The following C4orf33 variants were observed in gnomAD, a reference collection of about 807,000 sequenced individuals.
The protein encoded by C4orf33 is UPF0462 protein C4orf33.
A neutral mutation model predicts 24.3 loss-of-function variants in C4orf33; 20 were observed. That is an observed-to-expected ratio of 0.82 (90% CI 0.58 to 1.19). C4orf33 has a LOEUF of 1.19. Among genes scored for constraint, C4orf33 ranks in the 50% most tolerant of loss-of-function variants. The probability of loss-of-function intolerance (pLI) is 0.00; values close to 1 mark genes in which losing one functional copy is unlikely to be tolerated. For synonymous variants in C4orf33, 67 were observed against 76.4 expected (o/e 0.88, Z 0.64); for missense variants, 207 against 225.9 (o/e 0.92, Z 0.54).
At chr4:129,109,875 G>C in intron 5 of C4orf33, 2 of 1,006,096 alleles carry the variant, frequency 2.0e-6, no homozygotes, top group Non-Finnish European at 2.7e-6. Context: ...ACTGTCAGTA[G>C]AGCACTTATT....
At position 129,115,314 on chromosome 4, in the gene C4orf33, C is replaced by G. The variant is rs762456263; in HGVS notation, c.*3523C>G. The stretch of plus-strand genomic sequence containing the variant: ...CTCTTAGGCCATTTTTCAATTCACC[C>G]ATTTTACTCTTTGATAGCACTTTAC... On this transcript the variant is annotated 3_prime_UTR_variant, in exon 6 of 6. Transcript: ENST00000425929. 2 of 152,134 alleles carry G rather than the reference C, an allele frequency of 1.3e-5. No individual in the cohort carries two copies. Among genetic ancestry groups the G allele is most frequent in the Non-Finnish European group, 2.9e-5 (2 of 68,032 alleles). The allele number at this position is 152,134 out of a possible 1,614,324, so 9.4% of individuals were successfully genotyped here. A position where few individuals can be genotyped will look rare whatever the true frequency, so the allele number is the denominator to read the frequency against.
rs544506233 is a variant in C4orf33, at chr4:129,110,366, T to C, written c.494+694T>C. On this transcript the variant is annotated intron_variant, in intron 5 of 5. Transcript: ENST00000425929. ...AGTTATCTGCTATGCTTTCTCAATTTGAGTCTTGTTTCCTTGCACCTGTAG... is the reference window on the plus strand; with the variant it reads ...AGTTATCTGCTATGCTTTCTCAATTCGAGTCTTGTTTCCTTGCACCTGTAG... Among the ~76,000 whole-genome samples the C allele has an allele frequency of 5.3e-5, 8 of 152,348 alleles. No homozygotes were observed. In the South Asian group the frequency reaches 1.5e-3, roughly 28 times the overall value.
rs1561091674 is a variant in C4orf33 at position 129,109,368 on chromosome 4, TA to T, written c.294+15del. ...AAGAAATGTGTGGAAAGTAAGTAAA[TA>T]AAAATAGGAGGCAAAATCATTACGT... On this transcript the variant is annotated intron_variant, in intron 4 of 5. Transcript: ENST00000425929. 6.2e-7 allele frequency: 1 copy of T among 1,613,208 alleles called. No individual in the cohort carries two copies.
chr4:129,095,883 TATTAA>T (rs1314449546), upstream of C4orf33, among the ~76,000 whole-genome samples: 1 of 152,218 alleles, frequency 6.6e-6, no homozygotes, highest in Non-Finnish European at 1.5e-5. Flanking sequence ...CCTTTAGTTG[TATTAA>T]ATGAAATATT....
chr4:129,102,566 T>C, intron 1 of C4orf33, 36 bp from the exon 2 acceptor site: 1 of 1,432,316 alleles, frequency 7.0e-7, no homozygotes, highest in South Asian at 1.3e-5. Flanking sequence ...CATTTGTATA[T>C]TGTTAAAGAG....
Position 129,102,754 on chromosome 4 carries a change from A to G in C4orf33, c.144A>G (p.Glu48=). The change falls in exon 2 of 6, where the codon GAA becomes GAG. Residue 48 remains glutamate (E), a synonymous_variant. Coordinates refer to ENST00000425929, the MANE Select transcript of C4orf33 (RefSeq NM_001099783.2). ...FFRDPPAPLG[E]PGKPFNELWD... ...GGGATCCTCCAGCCCCACTTGGAGA[A>G]CCAGGAAAACCTTTCAATGAACTGT... The G allele has an allele frequency of 6.2e-7, 1 of 1,613,872 alleles. No individual in the cohort carries two copies.
intron 2 of C4orf33, 98 bp downstream of exon 2, chr4:129,102,889 T>G: frequency 2.8e-6 from 3 of 1,077,868 alleles, no homozygotes; most frequent in South Asian, 3.3e-5. Flanking sequence ...AGTAAGTGCT[T>G]CTGAGCAATT....
chr4:129,094,216 C>CA (rs999199190), upstream of C4orf33, among the ~76,000 whole-genome samples: 11 of 151,218 alleles, frequency 7.3e-5, no homozygotes, highest in African/African-American at 2.2e-4. Flanking sequence ...CTTTTTTTTG[C>CA]AAAAAACAAA....
At chr4:129,100,322 T>C (rs1203609240) in intron 1 of C4orf33, among the ~76,000 whole-genome samples, 1 of 129,940 alleles carries the variant, frequency 7.7e-6, no homozygotes, top group Non-Finnish European at 1.7e-5. Context: ...ACATTATGGA[T>C]TGTATTTTGA....
At position 129,109,713 on chromosome 4, in the gene C4orf33, G is replaced by GT. The variant is rs576609928; in HGVS notation, c.494+47dup. 56 of 1,541,588 alleles carry GT rather than the reference G, an allele frequency of 3.6e-5. No homozygotes were observed. The African/African-American group carries it at 7.0e-4, about 19-fold the overall frequency. On this transcript the variant is annotated intron_variant, in intron 5 of 5. Coordinates refer to ENST00000425929, the MANE Select transcript of C4orf33 (RefSeq NM_001099783.2). ...ATGAAGATATGTTCCAAATACACGA[G>GT]TTTTTTCGAAATTAATTCTTAGTGG...
chr4:129,102,630 A>G lies in C4orf33; in HGVS notation c.20A>G (p.His7Arg). MDFKIE[H>R]TWDGFPVKHE... Reference sequence around the variant, plus strand: ...CTTCAGATGGATTTTAAAATTGAACACACTTGGGATGGTTTTCCAGTGAAG... The same window carrying G: ...CTTCAGATGGATTTTAAAATTGAACGCACTTGGGATGGTTTTCCAGTGAAG... The change falls in exon 2 of 6, where the codon CAC becomes CGC. Residue 7 changes from histidine (H) to arginine (R), a missense_variant. Coordinates refer to ENST00000425929, the MANE Select transcript of C4orf33 (RefSeq NM_001099783.2). The G allele has an allele frequency of 6.2e-7, 1 of 1,606,150 alleles. No individual in the cohort carries two copies. The highest frequency in any genetic ancestry group is 8.5e-7 in the Non-Finnish European group (1 of 1,177,416).
chr4:129,095,510 T>C (rs1222111967), upstream of C4orf33, among the ~76,000 whole-genome samples: 1 of 152,244 alleles, frequency 6.6e-6, no homozygotes, highest in Non-Finnish European at 1.5e-5. Context: ...AGTTTGTGTG[T>C]AACTCTTGTC....
Position 129,111,795 on chromosome 4 carries a change from T to C in C4orf33, c.*4T>C, listed in dbSNP as rs1330432924. 3.3e-6 allele frequency: 5 copies of C among 1,523,656 alleles called. No homozygotes were observed. The highest frequency in any genetic ancestry group is 1.7e-4 in the Middle Eastern group (1 of 5,906). The allele number at this position is 1,523,656 out of a possible 1,614,324, so 94.4% of individuals were successfully genotyped here. On this transcript the variant is annotated 3_prime_UTR_variant, in exon 6 of 6. Coordinates refer to ENST00000425929, the MANE Select transcript of C4orf33 (RefSeq NM_001099783.2). Reference sequence around the variant, plus strand: ...AATAGAGAAATGTGATATATAGGAGTAATAGATAACCATACCGATCATTTT... The same window carrying C: ...AATAGAGAAATGTGATATATAGGAGCAATAGATAACCATACCGATCATTTT...
At chr4:129,093,887 A>C (rs546052604), upstream of C4orf33, 2 of 152,282 alleles carry the variant, frequency 1.3e-5, no homozygotes, top group African/African-American at 2.4e-5. Context: ...TTGGGTTACT[A>C]ATATACTAAG....
intron 2 of C4orf33, among the ~76,000 whole-genome samples, chr4:129,105,673 T>G (rs189984547): frequency 5.3e-5 from 8 of 152,300 alleles, no homozygotes; most frequent in Non-Finnish European, 1.5e-5. Context: ...TACTATTCAG[T>G]CATTAAAATA....
chr4:129,096,265 G>T, intron 1 of C4orf33, 56 bp downstream of exon 1: 1 of 152,286 alleles, frequency 6.6e-6, no homozygotes, highest in Non-Finnish European at 1.5e-5. Flanking sequence ...GTCGTCGCCA[G>T]GTCTTGTTTT....
rs390260 is a variant in C4orf33 at position 129,115,436 on chromosome 4, C to T, written c.*3645C>T. 0.72 allele frequency: 108,929 copies of T among 151,912 alleles called. 41,133 individuals carry two copies. Among genetic ancestry groups the T allele is most frequent in the South Asian group, 0.89 (4,280 of 4,820 alleles). The allele number at this position is 151,912 out of a possible 1,614,324, so 9.4% of individuals were successfully genotyped here. A position where few individuals can be genotyped will look rare whatever the true frequency, so the allele number is the denominator to read the frequency against. On this transcript the variant is annotated 3_prime_UTR_variant, in exon 6 of 6. Transcript: ENST00000425929. ...GTGGGAATCTGCTAATCTACTCTGA[C>T]GTATATGCAAACCTGGAAGTTTGAG...
At chr4:129,101,625 G>A (rs1753353981) in intron 1 of C4orf33, among the ~76,000 whole-genome samples, 1 of 152,056 alleles carries the variant, frequency 6.6e-6, no homozygotes, top group Non-Finnish European at 1.5e-5. Context: ...TTTGTAATGA[G>A]GACAGTAATA....
intron 1 of C4orf33, among the ~76,000 whole-genome samples, chr4:129,097,253 G>A (rs1340067282): frequency 6.6e-6 from 1 of 152,196 alleles, no homozygotes; most frequent in Non-Finnish European, 1.5e-5. Flanking sequence ...AGTAATGCAT[G>A]TCTGTCATAG....
Sources: gnomAD v4.1 joint callset for allele counts (sites outside exome capture counted in the v4.1 genomes callset) on GRCh38, gnomAD v4.1.1 for gene constraint, MANE v1.5 for transcripts, NCBI Gene and HGNC (gene_info 2026-07-23, HGNC 2026-07-21) for gene names.